USP34: variants seen among roughly 807,000 people sequenced by gnomAD.
USP34 encodes the protein ubiquitin specific peptidase 34.
Under a neutral mutation model 460.3 loss-of-function variants are expected in USP34, and 70 were observed. The ratio of observed to expected loss-of-function variants is 0.15; its 90% CI spans 0.13 to 0.19. The LOEUF (loss-of-function observed/expected upper bound fraction) is 0.19, where lower values mean the gene tolerates loss of function less well. USP34 is among the 10% of genes least tolerant of loss of function. The pLI, the probability that USP34 is intolerant of heterozygous loss-of-function variation, is 1.00. For synonymous variants in USP34, 1,647 were observed against 1,405.3 expected, an observed-to-expected ratio of 1.17 and a Z score of -3.85; for missense variants, 3,985 against 4,236.2, an observed-to-expected ratio of 0.94 and a Z score of 1.65.
At chr2:61,401,691 G>A (rs1693725352) in intron 3 of USP34, among the ~76,000 whole-genome samples, 1 of 150,358 alleles carries the variant, frequency 6.7e-6, no homozygotes, top group Non-Finnish European at 1.5e-5. Flanking sequence ...TGGGACTACA[G>A]GCACCCGCTA....
At chr2:61,366,707 A>G (rs571474573) in intron 10 of USP34, among the ~76,000 whole-genome samples, 6 of 152,268 alleles carry the variant, frequency 3.9e-5, no homozygotes, top group African/African-American at 1.4e-4. Context: ...ATAGAAAAAT[A>G]TGTGAAATTC....
At chr2:61,342,724 A>G (rs1027034210) in intron 16 of USP34, among the ~76,000 whole-genome samples, 9 of 152,228 alleles carry the variant, frequency 5.9e-5, no homozygotes, top group Non-Finnish European at 1.2e-4. Flanking sequence ...TACTAAAAAC[A>G]TTGTAAAACA....
chr2:61,195,849 C>A (rs1328044053), intron 75 of USP34, among the ~76,000 whole-genome samples: 1 of 151,956 alleles, frequency 6.6e-6, no homozygotes, highest in Non-Finnish European at 1.5e-5. Flanking sequence ...AGACTGTATA[C>A]TACAATTTCT....
chr2:61,306,804 G>C (rs1035985828), intron 27 of USP34, among the ~76,000 whole-genome samples: 4 of 152,160 alleles, frequency 2.6e-5, no homozygotes, highest in Non-Finnish European at 5.9e-5. Flanking sequence ...TCATTAAAAA[G>C]TCAGGAAACA....
Position 61,281,135 on chromosome 2 carries a change from T to A in USP34, c.5106A>T (p.Thr1702=), listed in dbSNP as rs756291132. ...NRSFLLLAAS[T]LLKFLPDAQA... is the part of the protein sequence containing the mutation. The stretch of plus-strand genomic sequence containing the variant: ...GAGCATCAGGAAGAAATTTCAATAA[T>A]GTTGAGGCAGCCAATAGCAGAAAAG... Residue 1702 remains threonine (T), a synonymous_variant, in exon 38 of 80, where the codon ACA becomes ACT. Coordinates refer to ENST00000398571, the MANE Select transcript of USP34 (RefSeq NM_014709.4). The A allele has an allele frequency of 3.1e-6, 5 of 1,613,708 alleles. No individual in the cohort carries two copies. The highest frequency in any genetic ancestry group is 3.4e-6 in the Non-Finnish European group (4 of 1,179,892).
chr2:61,289,192 ATAAT>A (rs1161621819), intron 33 of USP34, among the ~76,000 whole-genome samples: 1 of 152,134 alleles, frequency 6.6e-6, no homozygotes, highest in African/African-American at 2.4e-5. Context: ...CATACTGCTC[ATAAT>A]TTATAATTTT....
chr2:61,248,330 T>C (rs1435574014), intron 49 of USP34, among the ~76,000 whole-genome samples, 181 bp downstream of exon 49: 3 of 152,114 alleles, frequency 2.0e-5, no homozygotes, highest in African/African-American at 7.2e-5. Flanking sequence ...AGGAACATAG[T>C]CCTAGTAGAT....
At chr2:61,280,541 G>A (rs1041114643) in intron 38 of USP34, among the ~76,000 whole-genome samples, 193 bp from the exon 39 acceptor site, 5 of 151,966 alleles carry the variant, frequency 3.3e-5, no homozygotes, top group Admixed American at 2.6e-4. Flanking sequence ...ACAAACGTAA[G>A]AACTTTTAGG....
At chr2:61,238,370 A>C in intron 53 of USP34, among the ~76,000 whole-genome samples, 1 of 152,094 alleles carries the variant, frequency 6.6e-6, no homozygotes, top group Non-Finnish European at 1.5e-5. Context: ...TCTTCACATG[A>C]TTACCTCTTC....
In USP34 at chr2:61,204,400, C is replaced by T. The variant is rs953147265; in HGVS notation, c.9260-20G>A. 6.2e-7 allele frequency: 1 copy of T among 1,613,634 alleles called. No homozygotes were observed. Among genetic ancestry groups the T allele is most frequent in the African/African-American group, 1.3e-5 (1 of 74,846 alleles). Reference sequence around the variant, plus strand: ...GAGACACTAAGATATTAAAAGTGTACAGTAAGAATAAATGGAAAAAATAAA... The same window carrying T: ...GAGACACTAAGATATTAAAAGTGTATAGTAAGAATAAATGGAAAAAATAAA... On this transcript the variant is annotated intron_variant, in intron 73 of 79. Transcript: ENST00000398571.
At chr2:61,283,505 A>G (rs940300747) in intron 35 of USP34, 56 bp from the exon 36 acceptor site, 2 of 1,547,602 alleles carry the variant, frequency 1.3e-6, no homozygotes, top group Non-Finnish European at 1.8e-6. Flanking sequence ...ATTAAAAATA[A>G]TTCAATTTAT....
At chr2:61,211,632 G>C in intron 69 of USP34, 140 bp downstream of exon 69, 1 of 937,656 alleles carries the variant, frequency 1.1e-6, no homozygotes, top group South Asian at 2.1e-5. Flanking sequence ...TTTAAAAGTA[G>C]TTCATGAACC....
chr2:61,397,437 C>T (rs1693567948), intron 3 of USP34, among the ~76,000 whole-genome samples: 1 of 118,286 alleles, frequency 8.5e-6, no homozygotes, highest in African/African-American at 3.0e-5. Context: ...AATGAGGCTC[C>T]ATCTAAAAAA....
chr2:61,442,565 T>C (rs940135693), intron 1 of USP34, among the ~76,000 whole-genome samples: 5 of 152,066 alleles, frequency 3.3e-5, no homozygotes, highest in Non-Finnish European at 7.4e-5. Context: ...ATGAAGTATC[T>C]TACCCCAGTT....
intron 7 of USP34, among the ~76,000 whole-genome samples, chr2:61,379,161 A>G (rs955571991): frequency 6.6e-6 from 1 of 152,230 alleles, no homozygotes; most frequent in African/African-American, 2.4e-5. Context: ...AACCCGGTAC[A>G]CAAGTAAACT....
chr2:61,374,417 G>T (rs754112518), intron 8 of USP34, among the ~76,000 whole-genome samples: 2 of 151,920 alleles, frequency 1.3e-5, no homozygotes, highest in Non-Finnish European at 2.9e-5. Flanking sequence ...CATTTTATTT[G>T]TAACTCCAAA....
intron 70 of USP34, chr2:61,207,132 C>T: frequency 3.2e-6 from 1 of 309,942 alleles, no homozygotes; most frequent in Non-Finnish European, 5.9e-6. Context: ...AGTTTAATCA[C>T]ATTTTTTTAA....
At chr2:61,228,162 C>A (rs1032602817) in intron 61 of USP34, among the ~76,000 whole-genome samples, 1 of 152,148 alleles carries the variant, frequency 6.6e-6, no homozygotes, top group Non-Finnish European at 1.5e-5. Flanking sequence ...ATAAAGGGTA[C>A]TTATCTCTTA....
At chr2:61,352,813 G>A (rs972430075) in intron 10 of USP34, among the ~76,000 whole-genome samples, 7 of 152,082 alleles carry the variant, frequency 4.6e-5, no homozygotes, top group African/African-American at 1.7e-4. Context: ...GGAGGACAAG[G>A]AGGATGAAGA....
Sources: gnomAD v4.1 joint callset for allele counts (sites outside exome capture counted in the v4.1 genomes callset) on GRCh38, gnomAD v4.1.1 for gene constraint, MANE v1.5 for transcripts, NCBI Gene and HGNC (gene_info 2026-07-23, HGNC 2026-07-21) for gene names.